Variants in TRRAP observed in about 807,000 individuals in gnomAD.
TRRAP encodes transformation/transcription domain associated protein.
A neutral mutation model predicts 438.8 loss-of-function variants in TRRAP; 41 were observed. That is an observed-to-expected ratio of 0.09 (90% CI 0.07 to 0.12). The LOEUF (loss-of-function observed/expected upper bound fraction) is 0.12, where lower values mean the gene tolerates loss of function less well. Ranked by LOEUF, TRRAP falls within the 10% of genes least tolerant of loss-of-function variation. The pLI is 1.00. For missense variants in TRRAP, 3,122 were observed against 5,055.1 expected, an observed-to-expected ratio of 0.62 and a Z score of 11.60; for synonymous variants, 1,994 against 1,962.9, an observed-to-expected ratio of 1.02 and a Z score of -0.42.
chr7:98,956,264 T>C lies in TRRAP; in HGVS notation c.6056T>C (p.Val2019Ala). Residue 2019 changes from valine (V) to alanine (A), a missense_variant, in exon 42 of 73, where the codon GTC becomes GCC. Coordinates refer to ENST00000456197, the MANE Select transcript of TRRAP (RefSeq NM_001375524.1). The surrounding 1 kb of genome is among the most constrained non-coding windows in gnomAD (Gnocchi z 4.5). ...CGGCTGGCCGTGGACCTGTCTGAAGTCGTCATCAAGTGGGAGCTGCAGAGG... is the reference window on the plus strand; with the variant it reads ...CGGCTGGCCGTGGACCTGTCTGAAGCCGTCATCAAGTGGGAGCTGCAGAGG... Reference protein sequence around the residue: ...QRRLAVDLSEVVIKWELQRIK... With the variant: ...QRRLAVDLSEAVIKWELQRIK... The C allele has an allele frequency of 6.2e-7, 1 of 1,614,162 alleles. No homozygotes were observed. Among genetic ancestry groups the C allele is most frequent in the Non-Finnish European group, 8.5e-7 (1 of 1,180,018 alleles).
In TRRAP at chr7:98,895,087, G is replaced by T. The variant is rs76270127; in HGVS notation, c.451-677G>T. Reference sequence around the variant, plus strand: ...GTATACAATTTTTAAAAAAATTTTTGTAGAGACAGAGTCTGTCTATGTTGC... The same window carrying T: ...GTATACAATTTTTAAAAAAATTTTTTTAGAGACAGAGTCTGTCTATGTTGC... On this transcript the variant is annotated intron_variant, in intron 6 of 72. Transcript: ENST00000456197. Among the ~76,000 whole-genome samples the T allele has an allele frequency of 2.7e-3, 404 of 152,052 alleles. 2 individuals carry two copies. Among genetic ancestry groups the T allele is most frequent in the African/African-American group, 9.5e-3 (395 of 41,474 alleles).
chr7:99,009,782 T>C (rs1026637042), intron 70 of TRRAP, among the ~76,000 whole-genome samples: 1 of 152,156 alleles, frequency 6.6e-6, no homozygotes, highest in Non-Finnish European at 1.5e-5. Flanking sequence ...CCAGGGCCTA[T>C]AGGCAGAGGG....
rs117457951 is a variant in TRRAP at position 99,010,609 on chromosome 7, G to A, written c.10939-443G>A. Among the ~76,000 whole-genome samples, 114 of 152,240 alleles carry A rather than the reference G, an allele frequency of 7.5e-4. No individual in the cohort carries two copies. The East Asian group carries it at 0.021, about 28-fold the overall frequency. On this transcript the variant is annotated intron_variant, in intron 70 of 72. Coordinates refer to ENST00000456197, the MANE Select transcript of TRRAP (RefSeq NM_001375524.1). ...TCTCTAGTACAGAGTTCAGTCTCTC[G>A]TGTGGTGTGTGTGGTTAGACCAGCT...
In TRRAP at chr7:98,994,757, C is replaced by G; in HGVS notation, c.10218C>G (p.Phe3406Leu). 6.2e-7 allele frequency: 1 copy of G among 1,614,206 alleles called. No individual in the cohort carries two copies. Among genetic ancestry groups the G allele is most frequent in the Non-Finnish European group, 8.5e-7 (1 of 1,180,022 alleles). Reference protein sequence around the residue: ...LENVSNVSTMFSSAASESLAR... With the variant: ...LENVSNVSTMLSSAASESLAR... ...ATGTGTCCAACGTCTCGACCATGTTCTCCAGCGCAGCCTCTGAGTCTCTGG... is the reference window on the plus strand; with the variant it reads ...ATGTGTCCAACGTCTCGACCATGTTGTCCAGCGCAGCCTCTGAGTCTCTGG... Residue 3406 changes from phenylalanine to leucine, a missense_variant, in exon 67 of 73, where the codon TTC becomes TTG. By Grantham distance (22) the Phe-to-Leu change is conservative. Transcript: ENST00000456197. This position sits in a 1 kb window ranked among gnomAD's most constrained non-coding sequence, Gnocchi z 4.8.
intron 45 of TRRAP, among the ~76,000 whole-genome samples, chr7:98,960,603 CGTTTTTTTGAGACA>C (rs1374243013): frequency 1.3e-5 from 2 of 151,814 alleles, no homozygotes; most frequent in Non-Finnish European, 2.9e-5. Context: ...GTTTTTGTTT[CGTTTTTTTGAGACA>C]GTCTCACTCT....
rs575534141 is a variant in TRRAP, at chr7:98,878,557, C to G, written c.-142C>G. 5.3e-4 allele frequency: 80 copies of G among 151,404 alleles called. 1 individual carries two copies. The highest frequency in any genetic ancestry group is 1.8e-3 in the African/African-American group (76 of 41,438). The allele number at this position is 151,404 out of a possible 1,614,324, so 9.4% of individuals were successfully genotyped here. On this transcript the variant is annotated 5_prime_UTR_variant, in exon 1 of 73. Coordinates refer to ENST00000456197, the MANE Select transcript of TRRAP (RefSeq NM_001375524.1). ...AAGCGGGGGCGGGACTGCGCGCGGC[C>G]GAGCGGTTGCGACGAGGGCTCGGCT...
At chr7:98,969,573 A>G (rs1247887505) in intron 51 of TRRAP, among the ~76,000 whole-genome samples, 1 of 152,246 alleles carries the variant, frequency 6.6e-6, no homozygotes, top group Non-Finnish European at 1.5e-5. Context: ...TATTCGCCCA[A>G]GATGGCAAGA....
rs1444070554 is a variant in TRRAP at position 98,985,239 on chromosome 7, T to C, written c.9389+195T>C. ...CAAATTGATAAGCCTATTTGATGTG[T>C]AGTATTTTAAAAGCTTTTCTCAAAT... On this transcript the variant is annotated intron_variant, in intron 62 of 72. Transcript: ENST00000456197. Among the ~76,000 whole-genome samples, 3 of 152,252 alleles carry C rather than the reference T, an allele frequency of 2.0e-5. 1 individual carries two copies. Among genetic ancestry groups the C allele is most frequent in the Admixed American group, 2.0e-4 (3 of 15,286 alleles).
At chr7:98,925,385 A>G in intron 22 of TRRAP, 122 bp downstream of exon 22, 1 of 1,348,204 alleles carries the variant, frequency 7.4e-7, no homozygotes, top group East Asian at 2.3e-5. Flanking sequence ...CAGATGCCAT[A>G]TTATCTACCT....
chr7:98,930,544 C>T, intron 24 of TRRAP, 89 bp from the exon 25 acceptor site: 1 of 1,538,304 alleles, frequency 6.5e-7, no homozygotes, highest in Non-Finnish European at 8.9e-7. Flanking sequence ...CACCATTGCA[C>T]TCCGGCCTGG....
chr7:98,942,798 T>C, intron 30 of TRRAP, 151 bp from the exon 31 acceptor site: 1 of 799,392 alleles, frequency 1.3e-6, no homozygotes. Context: ...CCAGTTATTC[T>C]CATCACTAGT....
chr7:98,900,535 T>C (rs1159193484), intron 10 of TRRAP, 89 bp from the exon 11 acceptor site: 1 of 1,110,616 alleles, frequency 9.0e-7, no homozygotes, highest in African/African-American at 1.6e-5. Context: ...GAAATCAATC[T>C]TTTGGGTTTA....
At chr7:98,893,320 TC>T (rs559521737) in intron 5 of TRRAP, among the ~76,000 whole-genome samples, 199 of 152,298 alleles carry the variant, frequency 1.3e-3, no homozygotes, top group African/African-American at 4.2e-3. Flanking sequence ...TTGGATTCTG[TC>T]TTGGCTGGGG....
At position 98,981,855 on chromosome 7, in the gene TRRAP, G is replaced by A. The variant is rs1418163316; in HGVS notation, c.8721G>A (p.Gln2907=). 1 of 1,608,388 alleles carries A rather than the reference G, an allele frequency of 6.2e-7. No homozygotes were observed. Among genetic ancestry groups the A allele is most frequent in the Non-Finnish European group, 8.5e-7 (1 of 1,178,140 alleles). ...CCATCTGCCACCCCGAGGAGCAGCA[G>A]CTCAGCTTCATCGAGCGCCTGGTGG... ...YLAICHPEEQ[Q]LSFIERLVEM... Residue 2907 remains glutamine (Q), a synonymous_variant, in exon 59 of 73, where the codon CAG becomes CAA. Coordinates refer to ENST00000456197, the MANE Select transcript of TRRAP (RefSeq NM_001375524.1).
At chr7:98,962,188 A>C in intron 46 of TRRAP, 114 bp from the exon 47 acceptor site, 1 of 1,502,006 alleles carries the variant, frequency 6.7e-7, no homozygotes, top group South Asian at 1.2e-5. Flanking sequence ...CAGGGAGAGA[A>C]GTGCCCGTGC....
rs780800568 is a variant in TRRAP, at chr7:98,959,936, T to TAA, written c.6489+463_6489+464dup. 6.2e-3 allele frequency among the ~76,000 whole-genome samples: 693 copies of TAA among 112,606 alleles called. 6 individuals carry two copies. The highest frequency in any genetic ancestry group is 0.025 in the African/African-American group (645 of 26,010). 73.9% of individuals were successfully genotyped at this position (112,606 alleles called of 152,430 possible). A position where few individuals can be genotyped will look rare whatever the true frequency, so the allele number is the denominator to read the frequency against. On this transcript the variant is annotated intron_variant, in intron 45 of 72. Transcript: ENST00000456197. ...ACAGAGCAAGCAAGACCTGGTCTCT[T>TAA]AAAAAAAAAAAAAAAAAAGAAAAAG... is the stretch of plus-strand genomic sequence containing the variant.
intron 3 of TRRAP, among the ~76,000 whole-genome samples, chr7:98,886,238 G>A (rs868935967): frequency 5.9e-5 from 9 of 152,098 alleles, no homozygotes; most frequent in Non-Finnish European, 7.4e-5. Flanking sequence ...TGCAGTGAGC[G>A]GAGATCATGC....
At chr7:98,999,982 G>T in intron 67 of TRRAP, 2 of 197,220 alleles carry the variant, frequency 1.0e-5, no homozygotes, top group Non-Finnish European at 2.0e-5. Flanking sequence ...TGTCAGCACC[G>T]CAATCTGTAT....
chr7:98,956,611 G>T lies in TRRAP; in HGVS notation c.6231+78G>T. The T allele has an allele frequency of 1.3e-6, 2 of 1,542,512 alleles. No individual in the cohort carries two copies. Among genetic ancestry groups the T allele is most frequent in the South Asian group, 2.5e-5 (2 of 78,858 alleles). On this transcript the variant is annotated intron_variant, in intron 43 of 72. Transcript: ENST00000456197. This position sits in a 1 kb window ranked among gnomAD's most constrained non-coding sequence, Gnocchi z 4.5. ...CGTTTATTCCCTATATTTAGAATGT[G>T]AGCTCGGTGCTCAGCTGCATTCAGG...
Sources: gnomAD v4.1 joint callset for allele counts (sites outside exome capture counted in the v4.1 genomes callset) on GRCh38, gnomAD v4.1.1 for gene constraint, Gnocchi (gnomAD v3.1) non-coding constraint, MANE v1.5 for transcripts, NCBI Gene and HGNC (gene_info 2026-07-23, HGNC 2026-07-21) for gene names.